The following C2orf76 variants were observed in gnomAD, a reference collection of about 807,000 sequenced individuals.
C2orf76 encodes UPF0538 protein C2orf76.
In C2orf76, 23 loss-of-function variants were observed where a neutral mutation model predicts 16.9. That is an observed-to-expected ratio of 1.36 (90% confidence interval 0.98 to 1.93). C2orf76 has a LOEUF of 1.93. Ranked by LOEUF, C2orf76 falls within the 30% of genes most tolerant of loss-of-function variation. The pLI is 0.00. For synonymous variants in C2orf76, 48 were observed against 52.3 expected, an observed-to-expected ratio of 0.92 and a Z score of 0.35; for missense variants, 152 against 152.6, an observed-to-expected ratio of 1.00 and a Z score of 0.02.
chr2:119,350,677 C>G (rs935395), intron 1 of C2orf76, among the ~76,000 whole-genome samples: 8,168 of 152,272 alleles, frequency 0.054, 276 homozygotes, highest in South Asian at 0.11. Context: ...AGCTTTGAGA[C>G]CCCATAGATG....
At chr2:119,310,446 A>G (rs1244077970) in intron 5 of C2orf76, among the ~76,000 whole-genome samples, 2 of 152,238 alleles carry the variant, frequency 1.3e-5, no homozygotes, top group African/African-American at 2.4e-5. Flanking sequence ...TTAAGATCCT[A>G]TTTAACTCAG....
the C2orf76 span, among the ~76,000 whole-genome samples, chr2:119,287,985 A>G: frequency 6.6e-6 from 1 of 151,994 alleles, no homozygotes; most frequent in Non-Finnish European, 1.5e-5. Flanking sequence ...GACAGAGGGC[A>G]GTGGTGGGTG....
At chr2:119,342,579 T>C (rs1162892902) in intron 1 of C2orf76, among the ~76,000 whole-genome samples, 1 of 150,358 alleles carries the variant, frequency 6.7e-6, no homozygotes, top group Non-Finnish European at 1.5e-5. Flanking sequence ...GCCACTGCAC[T>C]CCAGCCTGGG....
At chr2:119,312,871 CA>C (rs1320331069) in intron 4 of C2orf76, among the ~76,000 whole-genome samples, 1 of 151,738 alleles carries the variant, frequency 6.6e-6, no homozygotes, top group African/African-American at 2.4e-5. Context: ...ATTAAAAATA[CA>C]AAAAAATTAG....
At chr2:119,316,116 A>T (rs1230498282) in intron 4 of C2orf76, among the ~76,000 whole-genome samples, 1 of 152,202 alleles carries the variant, frequency 6.6e-6, no homozygotes, top group Non-Finnish European at 1.5e-5. Flanking sequence ...TTGTATTTGT[A>T]TTTTAGATGT....
intron 1 of C2orf76, among the ~76,000 whole-genome samples, chr2:119,363,829 C>T (rs1287847917): frequency 6.6e-6 from 1 of 151,994 alleles, no homozygotes; most frequent in Non-Finnish European, 1.5e-5. Flanking sequence ...AGTTCAAGAC[C>T]AACCCAGGCA....
intron 1 of C2orf76, among the ~76,000 whole-genome samples, chr2:119,344,607 A>T (rs557072654): frequency 1.3e-5 from 2 of 152,320 alleles, no homozygotes; most frequent in African/African-American, 4.8e-5. Context: ...CAATTCTAAA[A>T]TCCATCTAGA....
At chr2:119,354,078 G>A (rs1368948026) in intron 1 of C2orf76, among the ~76,000 whole-genome samples, 1 of 152,142 alleles carries the variant, frequency 6.6e-6, no homozygotes, top group African/African-American at 2.4e-5. Context: ...ACCCTGATTT[G>A]CTCATTCTAC....
chr2:119,343,486 A>G (rs1680100527), intron 1 of C2orf76, among the ~76,000 whole-genome samples: 1 of 149,132 alleles, frequency 6.7e-6, no homozygotes, highest in African/African-American at 2.5e-5. Flanking sequence ...ACACACACAC[A>G]CACACACACA....
chr2:119,331,290 A>C (rs1389568747), intron 2 of C2orf76, among the ~76,000 whole-genome samples: 1 of 152,208 alleles, frequency 6.6e-6, no homozygotes, highest in Non-Finnish European at 1.5e-5. Context: ...CTACTACTGC[A>C]GCAACACCCT....
chr2:119,301,110 A>C (rs1418232899), downstream of C2orf76, among the ~76,000 whole-genome samples: 2 of 99,370 alleles, frequency 2.0e-5, no homozygotes, highest in African/African-American at 7.4e-5. Flanking sequence ...CACACAACTA[A>C]TTTCTGTCAA....
At chr2:119,291,511 T>C in the C2orf76 span, among the ~76,000 whole-genome samples, 1 of 151,830 alleles carries the variant, frequency 6.6e-6, no homozygotes, top group Non-Finnish European at 1.5e-5. Context: ...CAGGGAAACA[T>C]GTGACAGGTA....
At chr2:119,294,749 A>T in the C2orf76 span, among the ~76,000 whole-genome samples, 4 of 152,270 alleles carry the variant, frequency 2.6e-5, no homozygotes, top group Non-Finnish European at 5.9e-5. Flanking sequence ...GCAGCTCAGC[A>T]GCCATGACCG....
chr2:119,355,382 A>G, intron 1 of C2orf76, among the ~76,000 whole-genome samples: 1 of 152,218 alleles, frequency 6.6e-6, no homozygotes, highest in Non-Finnish European at 1.5e-5. Context: ...AAAGACAGAG[A>G]CAGTATCTCC....
intron 2 of C2orf76, among the ~76,000 whole-genome samples, chr2:119,321,995 T>A (rs1679359159): frequency 6.6e-6 from 1 of 151,546 alleles, no homozygotes; most frequent in Non-Finnish European, 1.5e-5. Context: ...AAATAACTCC[T>A]CTAACTCCTC....
intron 1 of C2orf76, among the ~76,000 whole-genome samples, chr2:119,340,673 A>G (rs1352490828): frequency 6.6e-6 from 1 of 151,934 alleles, no homozygotes; most frequent in Non-Finnish European, 1.5e-5. Flanking sequence ...GAGATTGCAT[A>G]AACTGCCCAA....
At chr2:119,367,000 C>A, upstream of C2orf76, 1 of 1,612,784 alleles carries the variant, frequency 6.2e-7, no homozygotes, top group Non-Finnish European at 8.5e-7. Context: ...CGATCGCTTC[C>A]TGGTCCTCGC....
intron 1 of C2orf76, among the ~76,000 whole-genome samples, chr2:119,363,069 C>A (rs1558800881): frequency 1.3e-5 from 2 of 151,050 alleles, no homozygotes. Context: ...CACAAAAAAA[C>A]TCCACCCATA....
chr2:119,321,085 T>C lies in C2orf76; in HGVS notation c.184+69A>G, dbSNP rs569484875. 6 of 850,922 alleles carry C rather than the reference T, an allele frequency of 7.1e-6. 1 individual carries two copies. In the Admixed American group the frequency reaches 2.0e-4, roughly 29 times the overall value. 52.7% of individuals were successfully genotyped at this position (850,922 alleles called of 1,614,324 possible). ...CAGATAGTCATTTTTGAAAACAAAA[T>C]TTAAGTTTGTAACAAACTAATGCAA... is the stretch of plus-strand genomic sequence containing the variant. On this transcript the variant is annotated intron_variant, in intron 3 of 5. Coordinates refer to ENST00000334816, the MANE Select transcript of C2orf76 (RefSeq NM_001322331.2).
Sources: gnomAD v4.1 joint callset for allele counts (sites outside exome capture counted in the v4.1 genomes callset) on GRCh38, gnomAD v4.1.1 for gene constraint, MANE v1.5 for transcripts, NCBI Gene and HGNC (gene_info 2026-07-23, HGNC 2026-07-21) for gene names.